Variants in MTIF2 observed in about 807,000 individuals in gnomAD.
MTIF2 encodes the protein translation initiation factor IF-2, mitochondrial.
In MTIF2, 71 loss-of-function variants were observed where a neutral mutation model predicts 83.5. The observed-to-expected ratio is 0.85, with a 90% CI of 0.70 to 1.04. The LOEUF (loss-of-function observed/expected upper bound fraction) is 1.04, where lower values mean the gene tolerates loss of function less well. Among genes scored for constraint, MTIF2 ranks in the 50% least tolerant of loss-of-function variants. The pLI is 0.00. For missense variants in MTIF2, 957 were observed against 846.5 expected (o/e 1.13, Z -1.62); for synonymous variants, 319 against 287.1 (o/e 1.11, Z -1.12).
chr2:55,259,327 T>C (rs1346437071), intron 5 of MTIF2, among the ~76,000 whole-genome samples: 2 of 152,190 alleles, frequency 1.3e-5, no homozygotes, highest in East Asian at 3.8e-4. Flanking sequence ...CAGAAGAGAT[T>C]TGAATATGAA....
At chr2:55,266,755 A>G (rs1678460209) in intron 3 of MTIF2, among the ~76,000 whole-genome samples, 2 of 132,368 alleles carry the variant, frequency 1.5e-5, no homozygotes, top group African/African-American at 5.8e-5. Flanking sequence ...TAAATGCTAC[A>G]TTTCATTCTT....
At chr2:55,237,649 C>CT (rs536036933) in intron 14 of MTIF2, among the ~76,000 whole-genome samples, 70,583 of 112,662 alleles carry the variant, frequency 0.63, 22,459 homozygotes, top group Non-Finnish European at 0.66. Context: ...TTCTTTTTTT[C>CT]TTTTTTTTTT....
intron 7 of MTIF2, among the ~76,000 whole-genome samples, chr2:55,253,117 G>A (rs1257335422): frequency 1.3e-5 from 2 of 152,116 alleles, no homozygotes; most frequent in Non-Finnish European, 2.9e-5. Flanking sequence ...TGGGAAAGCT[G>A]CTTAACTCGA....
At chr2:55,265,935 C>T (rs1678396674) in intron 3 of MTIF2, among the ~76,000 whole-genome samples, 1 of 151,990 alleles carries the variant, frequency 6.6e-6, no homozygotes, top group Non-Finnish European at 1.5e-5. Context: ...ATACTGTTTA[C>T]ATAGTATTTG....
chr2:55,262,527 C>A, intron 4 of MTIF2, 100 bp from the exon 5 acceptor site: 26 of 522,264 alleles, frequency 5.0e-5, no homozygotes, highest in Non-Finnish European at 6.5e-5. Context: ...AGCTACATTT[C>A]TTTCTTTTTT....
At chr2:55,266,651 G>A (rs1678451322) in intron 3 of MTIF2, 1 of 145,618 alleles carries the variant, frequency 6.9e-6, no homozygotes. Context: ...CTACTAGATA[G>A]TCTTTAAAAT....
intron 5 of MTIF2, among the ~76,000 whole-genome samples, chr2:55,261,679 C>G (rs967581716): frequency 2.0e-5 from 3 of 151,658 alleles, no homozygotes; most frequent in African/African-American, 7.3e-5. Context: ...TGGCTCATAC[C>G]TATAATCCCA....
chr2:55,242,855 G>T, intron 13 of MTIF2, 85 bp downstream of exon 13: 1 of 1,406,890 alleles, frequency 7.1e-7, no homozygotes, highest in Non-Finnish European at 9.7e-7. Context: ...TGTCAGGTGT[G>T]ACAAGCCAAG....
rs747956777 is a variant in MTIF2, at chr2:55,237,424, C to A, written c.1875G>T (p.Glu625Asp). ...CAGAGAAGGTAGCTAGTATAGATGCCTCACCTTTAGGAAGAAGAGAACATT... is the reference window on the plus strand; with the variant it reads ...CAGAGAAGGTAGCTAGTATAGATGCATCACCTTTAGGAAGAAGAGAACATT... ...PCAVEEHPVG[E>D]ASILATFSVT... is the part of the protein sequence containing the mutation. Residue 625 changes from glutamate to aspartate, a missense_variant, in exon 15 of 16, where the codon GAG (glutamate) becomes GAT (aspartate). Transcript: ENST00000263629. 3 of 1,605,044 alleles carry A rather than the reference C, an allele frequency of 1.9e-6. No homozygotes were observed. The highest frequency in any genetic ancestry group is 2.5e-6 in the Non-Finnish European group (3 of 1,177,404).
At chr2:55,242,775 C>T (rs1676419978) in intron 13 of MTIF2, among the ~76,000 whole-genome samples, 165 bp downstream of exon 13, 1 of 152,198 alleles carries the variant, frequency 6.6e-6, no homozygotes, top group South Asian at 2.1e-4. Context: ...CAATACTGCA[C>T]ATCCTATTAA....
In MTIF2 at chr2:55,242,040, G is replaced by C. The variant is rs979375504; in HGVS notation, c.1705+900C>G. 9.2e-5 allele frequency among the ~76,000 whole-genome samples: 14 copies of C among 151,672 alleles called. No homozygotes were observed. In the East Asian group the frequency reaches 2.3e-3, roughly 25 times the overall value. ...GCACGCCTATAATCCCAGCTACTCG[G>C]TGGGGGCTGTGGCAGGAGAATCCCT... On this transcript the variant is annotated intron_variant, in intron 13 of 15. Transcript: ENST00000263629.
At chr2:55,242,408 C>A (rs1157040614) in intron 13 of MTIF2, among the ~76,000 whole-genome samples, 2 of 152,154 alleles carry the variant, frequency 1.3e-5, no homozygotes, top group Non-Finnish European at 2.9e-5. Context: ...GTCATGAGTC[C>A]CCCTTTTTGT....
chr2:55,264,730 A>C (rs978630759), intron 3 of MTIF2, among the ~76,000 whole-genome samples: 4 of 152,174 alleles, frequency 2.6e-5, no homozygotes, highest in Admixed American at 6.6e-5. Flanking sequence ...GATGCTTTAT[A>C]GTAGGAAGAA....
Position 55,246,346 on chromosome 2 carries a change from TTGTC to T in MTIF2, c.1093_1096del (p.Asp365LysfsTer10). The T allele has an allele frequency of 1.2e-6, 2 of 1,613,646 alleles. No individual in the cohort carries two copies. Among genetic ancestry groups the T allele is most frequent in the Non-Finnish European group, 1.7e-6 (2 of 1,179,728 alleles). On this transcript the variant is annotated frameshift_variant, in exon 10 of 16. Coordinates refer to ENST00000263629, the MANE Select transcript of MTIF2 (RefSeq NM_002453.3). LOFTEE classifies it high-confidence loss of function. ...ATTTTAAGAGTCCTACCCTCTTCCT[TTGTC>T]TGTGAAAGACTCTATTACTGTTCCT...
intron 12 of MTIF2, 26 bp from the exon 13 acceptor site, chr2:55,243,106 G>T: frequency 6.4e-7 from 1 of 1,570,272 alleles, no homozygotes; most frequent in Non-Finnish European, 8.6e-7. Context: ...GTTTATAATT[G>T]TTGCTTTTAA....
intron 13 of MTIF2, among the ~76,000 whole-genome samples, chr2:55,242,579 C>A (rs1215065635): frequency 6.6e-6 from 1 of 152,120 alleles, no homozygotes; most frequent in African/African-American, 2.4e-5. Flanking sequence ...AGGGTGATTA[C>A]AGTGTTAGGA....
In MTIF2 at chr2:55,237,321, T is replaced by A. The variant is rs1312716937; in HGVS notation, c.1978A>T (p.Lys660Ter). 22 of 1,612,920 alleles carry A rather than the reference T, an allele frequency of 1.4e-5. No individual in the cohort carries two copies. The highest frequency in any genetic ancestry group is 1.8e-5 in the Non-Finnish European group (21 of 1,179,886). ...KGQLEKQKKF[K>*]LTRNGHVIWK... ...ATTACATGTCCATTACGGGTTAGTT[T>A]AAATTTTTTTTGTTTTTCTAACTGT... Residue 660 changes from lysine (K) to a stop codon, truncating the protein, a stop_gained, in exon 15 of 16, where the codon AAA becomes TAA. Coordinates refer to ENST00000263629, the MANE Select transcript of MTIF2 (RefSeq NM_002453.3). LOFTEE classifies it high-confidence loss of function.
intron 9 of MTIF2, among the ~76,000 whole-genome samples, chr2:55,247,719 C>G (rs1434139204): frequency 6.6e-6 from 1 of 152,072 alleles, no homozygotes; most frequent in Non-Finnish European, 1.5e-5. Context: ...ATGAAATAAT[C>G]CTTTATATAT....
chr2:55,256,297 CATAT>C (rs1017950917), intron 5 of MTIF2, among the ~76,000 whole-genome samples: 1 of 49,740 alleles, frequency 2.0e-5, no homozygotes, highest in Non-Finnish European at 4.5e-5. Context: ...GACATACACA[CATAT>C]ACACACACAC....
Sources: allele counts gnomAD v4.1 joint callset (sites outside exome capture counted in the v4.1 genomes callset), GRCh38; gene constraint gnomAD v4.1.1; transcripts MANE v1.5; gene names NCBI Gene and HGNC (gene_info 2026-07-23, HGNC 2026-07-21).